Variants in HEG1 observed in about 807,000 individuals in gnomAD.
HEG1 encodes protein HEG homolog 1.
In HEG1, 56 loss-of-function variants were observed where a neutral mutation model predicts 125.6. The ratio of observed to expected loss-of-function variants is 0.45; its 90% CI spans 0.36 to 0.56. The LOEUF is 0.56. Ranked by LOEUF, HEG1 falls within the 20% of genes least tolerant of loss-of-function variation. The pLI is 0.00. For missense variants in HEG1, 1,523 were observed against 1,670.0 expected (o/e 0.91, Z 1.53); for synonymous variants, 644 against 668.5 (o/e 0.96, Z 0.57).
chr3:125,044,033 G>A (rs1937625482), intron 1 of HEG1, among the ~76,000 whole-genome samples: 1 of 152,232 alleles, frequency 6.6e-6, no homozygotes. Context: ...CCTCTGTGAA[G>A]TGGCCCAGGA....
At chr3:125,012,555 G>A in intron 6 of HEG1, 68 bp downstream of exon 6, 1 of 1,431,732 alleles carries the variant, frequency 7.0e-7, no homozygotes, top group Non-Finnish European at 9.4e-7. Flanking sequence ...TGAACCCCGA[G>A]CCCCATGTAG....
Position 125,027,395 on chromosome 3 carries a change from C to T in HEG1, c.723G>A (p.Gly241=), listed in dbSNP as rs138859125. Residue 241 remains glycine (G), a synonymous_variant, in exon 3 of 17, where the codon GGG becomes GGA. Transcript: ENST00000311127. ...TGTGCACAGTCCATTCTTCTGACAGCCCCATCGCCCTCTCTGTTCCCATCT... is the reference window on the plus strand; with the variant it reads ...TGTGCACAGTCCATTCTTCTGACAGTCCCATCGCCCTCTCTGTTCCCATCT... The part of the protein sequence containing the change: ...ASEMGTERAM[G]LSEEWTVHSQ... The T allele has an allele frequency of 2.8e-4, 454 of 1,614,026 alleles. 1 individual carries two copies. In the East Asian group the frequency reaches 8.4e-3, roughly 30 times the overall value.
chr3:125,019,112 C>T (rs1347122498), intron 5 of HEG1, 150 bp downstream of exon 5: 13 of 628,572 alleles, frequency 2.1e-5, no homozygotes, highest in Non-Finnish European at 3.6e-5. Flanking sequence ...AGATGATCCA[C>T]CCACCTCGGC....
At chr3:125,033,578 C>T (rs1184511487) in intron 1 of HEG1, among the ~76,000 whole-genome samples, 1 of 152,202 alleles carries the variant, frequency 6.6e-6, no homozygotes, top group Non-Finnish European at 1.5e-5. Flanking sequence ...CTGTATGTCA[C>T]ATTACCTCTG....
chr3:124,990,030 T>G (rs572899156), intron 14 of HEG1, among the ~76,000 whole-genome samples: 9 of 152,268 alleles, frequency 5.9e-5, no homozygotes, highest in African/African-American at 1.7e-4. Context: ...CATGGCTGCC[T>G]GAAGACCTTT....
intron 1 of HEG1, among the ~76,000 whole-genome samples, chr3:125,039,011 C>A (rs184286779): frequency 3.1e-4 from 47 of 152,306 alleles, no homozygotes; most frequent in Admixed American, 1.7e-3. Context: ...CCATTCACAC[C>A]AACCCTCCTC....
At chr3:124,979,529 G>A (rs905853283) in intron 14 of HEG1, among the ~76,000 whole-genome samples, 1 of 152,142 alleles carries the variant, frequency 6.6e-6, no homozygotes, top group Admixed American at 6.5e-5. Flanking sequence ...TGTATTTCTG[G>A]TAAAATCATA....
chr3:125,039,835 C>CAAAAAAAAAAAAAAA (rs71996831), intron 1 of HEG1, among the ~76,000 whole-genome samples: 2 of 132,400 alleles, frequency 1.5e-5, no homozygotes, highest in Non-Finnish European at 3.1e-5. Context: ...AGAACAGAGC[C>CAAAAAAAAAAAAAAA]AAAAAAAAAA....
At chr3:124,979,155 T>C (rs1035809239) in intron 14 of HEG1, among the ~76,000 whole-genome samples, 2 of 152,108 alleles carry the variant, frequency 1.3e-5, no homozygotes, top group Non-Finnish European at 1.5e-5. Flanking sequence ...TTTCGCAATG[T>C]TGGCCAGACT....
At chr3:125,039,847 A>AAAC (rs1937578428) in intron 1 of HEG1, among the ~76,000 whole-genome samples, 1 of 150,078 alleles carries the variant, frequency 6.7e-6, no homozygotes, top group South Asian at 2.1e-4. Context: ...AAAAAAAAAA[A>AAAC]AACAACAAAA....
At chr3:125,052,009 T>C (rs1937816869) in intron 1 of HEG1, among the ~76,000 whole-genome samples, 1 of 152,174 alleles carries the variant, frequency 6.6e-6, no homozygotes, top group Non-Finnish European at 1.5e-5. Context: ...CATTCGGGTC[T>C]CTGGCAAAAC....
At chr3:124,974,905 C>T (rs1936507663) in intron 15 of HEG1, among the ~76,000 whole-genome samples, 1 of 152,170 alleles carries the variant, frequency 6.6e-6, no homozygotes, top group African/African-American at 2.4e-5. Context: ...TGGGCTCAGA[C>T]AATGACATAC....
intron 15 of HEG1, 63 bp from the exon 16 acceptor site, chr3:124,973,968 C>T: frequency 1.8e-6 from 2 of 1,108,330 alleles, no homozygotes; most frequent in South Asian, 3.0e-5. Flanking sequence ...GTGAAAGCAC[C>T]AACTATGATT....
chr3:124,990,160 T>C lies in HEG1; in HGVS notation c.3733+627A>G, dbSNP rs1269586768. Among the ~76,000 whole-genome samples, 3 of 152,078 alleles carry C rather than the reference T, an allele frequency of 2.0e-5. No homozygotes were observed. In the South Asian group the frequency reaches 6.2e-4, roughly 32 times the overall value. ...GTACTGTCGAGTGTCCTCTCATTCT[T>C]CTGTGGGCACAGTCCCTGCCTCCCC... is the stretch of plus-strand genomic sequence containing the variant. On this transcript the variant is annotated intron_variant, in intron 14 of 16. Coordinates refer to ENST00000311127, the MANE Select transcript of HEG1 (RefSeq NM_020733.2).
At chr3:125,002,579 T>C (rs1182293475) in intron 9 of HEG1, among the ~76,000 whole-genome samples, 6 of 152,174 alleles carry the variant, frequency 3.9e-5, no homozygotes, top group Non-Finnish European at 8.8e-5. Context: ...CACCCTTGGA[T>C]GCAAAACATC....
chr3:124,972,890 G>T (rs569273455), intron 16 of HEG1, among the ~76,000 whole-genome samples: 1 of 152,108 alleles, frequency 6.6e-6, no homozygotes, highest in Non-Finnish European at 1.5e-5. Context: ...ATTATTAAAG[G>T]CCTACTGAGT....
intron 14 of HEG1, among the ~76,000 whole-genome samples, chr3:124,981,251 GT>G (rs58212413): frequency 0.34 from 47,625 of 139,306 alleles, 8,146 homozygotes; most frequent in East Asian, 0.49. Flanking sequence ...TTTTTTTAAA[GT>G]TTTTTTTTTT....
intron 12 of HEG1, 32 bp downstream of exon 12, chr3:124,997,657 G>A: frequency 6.5e-7 from 1 of 1,544,096 alleles, no homozygotes; most frequent in South Asian, 1.3e-5. Flanking sequence ...TCCCAGGACT[G>A]GGCACAGAAC....
Position 125,013,403 on chromosome 3 carries a change from A to G in HEG1, c.2176T>C (p.Ser726Pro). 5.0e-6 allele frequency: 8 copies of G among 1,613,956 alleles called. 1 individual carries two copies. In the Middle Eastern group the frequency reaches 9.9e-4, roughly 200 times the overall value. ...PSPLPVSLTT[S>P]TSAPLSVSQT... Reference sequence around the variant, plus strand: ...GAGACAGAAAGTGGGGCAGATGTAGATGTCGTTAAGGATACTGGTAAAGGT... The same window carrying G: ...GAGACAGAAAGTGGGGCAGATGTAGGTGTCGTTAAGGATACTGGTAAAGGT... The change falls in exon 6 of 17, where the codon TCT becomes CCT. Residue 726 changes from serine to proline, a missense_variant. Physicochemically the swap from Ser to Pro is moderately conservative, Grantham distance 74. Transcript: ENST00000311127.
Sources: allele counts gnomAD v4.1 joint callset (sites outside exome capture counted in the v4.1 genomes callset), GRCh38; gene constraint gnomAD v4.1.1; transcripts MANE v1.5; gene names NCBI Gene and HGNC (gene_info 2026-07-23, HGNC 2026-07-21).